The following BFSP1 variants were observed in gnomAD, a reference collection of about 807,000 sequenced individuals.
The protein encoded by BFSP1 is beaded filament structural protein 1.
Under a neutral mutation model 43.9 loss-of-function variants are expected in BFSP1, and 38 were observed. The ratio of observed to expected loss-of-function variants is 0.87; its 90% CI spans 0.67 to 1.14. The LOEUF is 1.14. BFSP1 is among the 50% of genes most tolerant of loss of function. The pLI is 0.00. For missense variants in BFSP1, 850 were observed against 875.1 expected, an observed-to-expected ratio of 0.97 and a Z score of 0.36; for synonymous variants, 352 against 354.8, an observed-to-expected ratio of 0.99 and a Z score of 0.09.
chr20:17,528,779 G>A (rs1248686002), intron 1 of BFSP1, among the ~76,000 whole-genome samples: 1 of 152,086 alleles, frequency 6.6e-6, no homozygotes, highest in Non-Finnish European at 1.5e-5. Context: ...GACAGGAATC[G>A]AATCAATAAA....
intron 5 of BFSP1, among the ~76,000 whole-genome samples, chr20:17,504,039 G>A (rs1022914290): frequency 3.3e-5 from 5 of 152,192 alleles, no homozygotes; most frequent in African/African-American, 9.7e-5. Context: ...GTGGTAGGGG[G>A]TGGAGGGATG....
Position 17,507,330 on chromosome 20 carries a change from T to C in BFSP1, c.735+1559A>G, listed in dbSNP as rs1349435309. Among the ~76,000 whole-genome samples the C allele has an allele frequency of 6.6e-6, 1 of 151,796 alleles. No individual in the cohort carries two copies. The highest frequency in any genetic ancestry group is 1.5e-5 in the Non-Finnish European group (1 of 67,994). On this transcript the variant is annotated intron_variant, in intron 5 of 7. Coordinates refer to ENST00000377873, the MANE Select transcript of BFSP1 (RefSeq NM_001195.5). The surrounding 1 kb of genome is among the most constrained non-coding windows in gnomAD (Gnocchi z 4.4). The stretch of plus-strand genomic sequence containing the variant: ...GTATTTCAACATATCCATATGGATA[T>C]AGAGAGATAAAACAAGGGCTTCACA...
intron 5 of BFSP1, 36 bp from the exon 6 acceptor site, chr20:17,499,076 C>T (rs1371483242): frequency 6.3e-7 from 1 of 1,591,260 alleles, no homozygotes; most frequent in African/African-American, 1.3e-5. Flanking sequence ...AAATCCATCC[C>T]CCTTCTTCTC....
chr20:17,508,812 C>T, intron 5 of BFSP1, 77 bp downstream of exon 5: 2 of 1,304,692 alleles, frequency 1.5e-6, no homozygotes, highest in South Asian at 1.6e-5. Context: ...CCTCAAGCTG[C>T]ATGCGTGTGC....
At chr20:17,518,772 G>A (rs1051574747) in intron 2 of BFSP1, among the ~76,000 whole-genome samples, 3 of 152,194 alleles carry the variant, frequency 2.0e-5, no homozygotes, top group Non-Finnish European at 4.4e-5. Flanking sequence ...CTAAGTAGCA[G>A]GAGTCAAGGA....
At chr20:17,567,546 G>A (rs2122139325) in intron 1 of BFSP1, among the ~76,000 whole-genome samples, 1 of 152,248 alleles carries the variant, frequency 6.6e-6, no homozygotes, top group African/African-American at 2.4e-5. Flanking sequence ...AGGATCTCAG[G>A]TGATTTGGAT....
At chr20:17,565,421 T>G (rs2122134994) in intron 1 of BFSP1, 1 of 152,344 alleles carries the variant, frequency 6.6e-6, no homozygotes, top group Non-Finnish European at 1.5e-5. Context: ...AAGAACCGTT[T>G]GTGAAAGCAA....
chr20:17,561,669 GCT>G (rs749556381), upstream of BFSP1, among the ~76,000 whole-genome samples: 1 of 152,154 alleles, frequency 6.6e-6, no homozygotes, highest in African/African-American at 2.4e-5. Context: ...GTTCTGAAAG[GCT>G]CTGTGTTGAT....
intron 2 of BFSP1, among the ~76,000 whole-genome samples, chr20:17,524,646 G>A (rs1018920207): frequency 8.5e-5 from 13 of 152,258 alleles, no homozygotes; most frequent in Admixed American, 6.5e-4. Flanking sequence ...TGTTTCTCTC[G>A]TGAGAGAGGG....
chr20:17,494,519 T>G lies in BFSP1; in HGVS notation c.1553A>C (p.Lys518Thr). ...CACCTGCCCATTCTCTAAAGGGGGC[T>G]TGGGTGACTCAGGAGAGGGCTCCAC... The part of the protein sequence containing the change: ...GQVEPSPESP[K>T]PPLENGQVGL... The change falls in exon 8 of 8, where the codon AAG (lysine) becomes ACG (threonine). Residue 518 changes from lysine to threonine, a missense_variant. Transcript: ENST00000377873. The G allele has an allele frequency of 6.2e-7, 1 of 1,614,206 alleles. No individual in the cohort carries two copies. The highest frequency in any genetic ancestry group is 1.1e-5 in the South Asian group (1 of 91,082).
rs1156875265 is a variant in BFSP1, at chr20:17,539,105, C to CTTTTT, written c.3-14202_3-14198dup. On this transcript the variant is annotated intron_variant, in intron 1 of 7. Coordinates refer to the BFSP1 transcript ENST00000377868. ...TGCATCCATGAATATATTTCTTCTTCTTTTTTTTTTTTTTTTTTTTTTTTT... is the reference window on the plus strand; with the variant it reads ...TGCATCCATGAATATATTTCTTCTTCTTTTTTTTTTTTTTTTTTTTTTTTTTTTTT... 1.1e-3 allele frequency among the ~76,000 whole-genome samples: 70 copies of CTTTTT among 63,568 alleles called. 3 individuals are homozygous for CTTTTT. Among genetic ancestry groups the CTTTTT allele is most frequent in the African/African-American group, 4.1e-3 (60 of 14,630 alleles). 41.7% of individuals were successfully genotyped at this position (63,568 alleles called of 152,430 possible).
chr20:17,506,525 CTTT>C (rs572795949), intron 5 of BFSP1, among the ~76,000 whole-genome samples: 1 of 134,460 alleles, frequency 7.4e-6, no homozygotes. Context: ...TAATTAGTTT[CTTT>C]TTTTTTTTTT....
chr20:17,508,819 G>T (rs2034004725), intron 5 of BFSP1, 70 bp downstream of exon 5: 1 of 1,351,410 alleles, frequency 7.4e-7, no homozygotes, highest in South Asian at 1.5e-5. Context: ...CTGCATGCGT[G>T]TGCCTGCGCG....
intron 5 of BFSP1, among the ~76,000 whole-genome samples, chr20:17,503,699 T>A (rs1276129600): frequency 6.6e-6 from 1 of 152,118 alleles, no homozygotes; most frequent in African/African-American, 2.4e-5. Flanking sequence ...CTCAGCCTCC[T>A]CCCTGCTGCA....
At chr20:17,532,022 A>G (rs1289411255), upstream of BFSP1, among the ~76,000 whole-genome samples, 1 of 152,168 alleles carries the variant, frequency 6.6e-6, no homozygotes, top group Non-Finnish European at 1.5e-5. Context: ...ATAAAAGCCT[A>G]CAATAACTTA....
At chr20:17,524,761 A>G (rs1375701213) in intron 2 of BFSP1, 87 bp downstream of exon 2, 2 of 1,432,574 alleles carry the variant, frequency 1.4e-6, no homozygotes, top group African/African-American at 2.8e-5. Flanking sequence ...AAGTAACACA[A>G]AGAGGAAGCC....
At chr20:17,534,449 C>G (rs978123358), upstream of BFSP1, among the ~76,000 whole-genome samples, 7 of 152,200 alleles carry the variant, frequency 4.6e-5, no homozygotes, top group Non-Finnish European at 8.8e-5. Context: ...CATTTACACC[C>G]ACTATCTCAG....
At chr20:17,567,330 A>G (rs2035130784) in intron 1 of BFSP1, among the ~76,000 whole-genome samples, 1 of 152,242 alleles carries the variant, frequency 6.6e-6, no homozygotes, top group African/African-American at 2.4e-5. Flanking sequence ...GGGCTATGCC[A>G]GTTCATACAT....
chr20:17,568,513 C>T (rs1210129778), intron 1 of BFSP1, among the ~76,000 whole-genome samples: 1 of 151,996 alleles, frequency 6.6e-6, no homozygotes, highest in Non-Finnish European at 1.5e-5. Flanking sequence ...TCTTCAGCAT[C>T]ACCTAGGAGT....
Sources: gnomAD v4.1 joint callset for allele counts (sites outside exome capture counted in the v4.1 genomes callset) on GRCh38, gnomAD v4.1.1 for gene constraint, Gnocchi (gnomAD v3.1) non-coding constraint, MANE v1.5 for transcripts, NCBI Gene and HGNC (gene_info 2026-07-23, HGNC 2026-07-21) for gene names.